The following AEBP2 variants were observed in gnomAD, a reference collection of about 807,000 sequenced individuals.
AEBP2 encodes the protein AE binding protein 2, also known as zinc finger protein AEBP2.
AEBP2 carries 10 observed loss-of-function variants against 50.8 expected under a neutral mutation model. That is an observed-to-expected ratio of 0.20 (90% CI 0.12 to 0.33). The LOEUF (loss-of-function observed/expected upper bound fraction) is 0.33, where lower values mean the gene tolerates loss of function less well. AEBP2 is among the 10% of genes least tolerant of loss of function. The pLI, the probability that AEBP2 is intolerant of heterozygous loss-of-function variation, is 1.00. For synonymous variants in AEBP2, 296 were observed against 261.3 expected, an observed-to-expected ratio of 1.13 and a Z score of -1.28; for missense variants, 570 against 688.0, an observed-to-expected ratio of 0.83 and a Z score of 1.92.
At chr12:19,415,716 C>CAATACAATA in intron 1 of AEBP2, among the ~76,000 whole-genome samples, 3 of 151,212 alleles carry the variant, frequency 2.0e-5, no homozygotes, top group East Asian at 1.9e-4. Context: ...CAATACAATA[C>CAATACAATA]CTCCAGAGGC....
chr12:19,490,871 A>G (rs898208134), intron 3 of AEBP2, among the ~76,000 whole-genome samples: 1 of 152,246 alleles, frequency 6.6e-6, no homozygotes, highest in Admixed American at 6.5e-5. Context: ...AAATGGAAAT[A>G]GTGTTGGCGA....
chr12:19,449,298 A>G (rs933708433), intron 1 of AEBP2, among the ~76,000 whole-genome samples: 1 of 152,106 alleles, frequency 6.6e-6, no homozygotes, highest in African/African-American at 2.4e-5. Flanking sequence ...GTGTATATAC[A>G]TTTCTCTGGA....
intron 1 of AEBP2, among the ~76,000 whole-genome samples, chr12:19,451,676 C>A (rs1948167486): frequency 7.9e-6 from 1 of 126,346 alleles, no homozygotes; most frequent in African/African-American, 3.2e-5. Context: ...TCAAAAGTGA[C>A]CATCTTTTAA....
chr12:19,457,374 G>A (rs1161711332), intron 1 of AEBP2: 36 of 1,435,708 alleles, frequency 2.5e-5, no homozygotes, highest in Middle Eastern at 4.1e-4. Context: ...GTGTCCTAGG[G>A]CATCAATGAT....
intron 1 of AEBP2, among the ~76,000 whole-genome samples, chr12:19,415,852 A>G (rs2095742314): frequency 6.6e-6 from 1 of 152,092 alleles, no homozygotes; most frequent in African/African-American, 2.4e-5. Flanking sequence ...AGGATTCTGG[A>G]TGCCTGACCC....
intron 1 of AEBP2, among the ~76,000 whole-genome samples, chr12:19,408,786 C>T (rs910591039): frequency 1.3e-5 from 2 of 151,252 alleles, no homozygotes; most frequent in African/African-American, 4.9e-5. Flanking sequence ...ACCTGTAATT[C>T]CAGCTGCTCA....
At chr12:19,476,706 T>C (rs1287668915) in intron 3 of AEBP2, among the ~76,000 whole-genome samples, 1 of 152,196 alleles carries the variant, frequency 6.6e-6, no homozygotes, top group Non-Finnish European at 1.5e-5. Flanking sequence ...CATGCTGTTT[T>C]GGTAAGCATA....
chr12:19,443,016 C>T (rs1282540253), intron 1 of AEBP2, among the ~76,000 whole-genome samples: 1 of 152,096 alleles, frequency 6.6e-6, no homozygotes, highest in Non-Finnish European at 1.5e-5. Context: ...GCCCATTTAC[C>T]TTTCCCATCG....
intron 1 of AEBP2, among the ~76,000 whole-genome samples, chr12:19,428,427 T>A (rs1275173704): frequency 2.0e-5 from 3 of 152,238 alleles, no homozygotes; most frequent in African/African-American, 7.2e-5. Flanking sequence ...CACCATCATG[T>A]CTGTGTCCCA....
In AEBP2 at chr12:19,518,218, CTTTTTTTTTTT is replaced by C; in HGVS notation, c.*111_*121del. The C allele has an allele frequency of 1.8e-6, 2 of 1,131,728 alleles. No homozygotes were observed. Among genetic ancestry groups the C allele is most frequent in the Non-Finnish European group, 1.1e-6 (1 of 913,072 alleles). 70.1% of individuals were successfully genotyped at this position (1,131,728 alleles called of 1,614,324 possible). On this transcript the variant is annotated 3_prime_UTR_variant, in exon 8 of 8. Transcript: ENST00000266508. ...AGTTGCACATTAGAGTCAACCCCTT[CTTTTTTTTTTT>C]TTTTTTTTTAAATCCAGTATTTAGG...
At chr12:19,512,489 T>A in intron 6 of AEBP2, 24 bp downstream of exon 6, 1 of 1,411,018 alleles carries the variant, frequency 7.1e-7, no homozygotes, top group Non-Finnish European at 9.7e-7. Context: ...ATATTATGCC[T>A]TAGTAATAAG....
At chr12:19,450,053 CCTAA>C (rs1459316778) in intron 1 of AEBP2, among the ~76,000 whole-genome samples, 12 of 151,866 alleles carry the variant, frequency 7.9e-5, no homozygotes, top group South Asian at 2.1e-4. Flanking sequence ...ACTTTTTTTT[CCTAA>C]CTGAGTTTAT....
intron 3 of AEBP2, among the ~76,000 whole-genome samples, chr12:19,493,114 A>G (rs1011151045): frequency 2.0e-5 from 3 of 152,206 alleles, no homozygotes; most frequent in Non-Finnish European, 4.4e-5. Flanking sequence ...AAATACTTTA[A>G]AAATCCAGAA....
At chr12:19,510,253 G>T (rs1487096775) in intron 5 of AEBP2, among the ~76,000 whole-genome samples, 1 of 152,158 alleles carries the variant, frequency 6.6e-6, no homozygotes, top group Non-Finnish European at 1.5e-5. Context: ...GGGAAGGTAG[G>T]CACATAAAGC....
intron 3 of AEBP2, among the ~76,000 whole-genome samples, chr12:19,476,972 G>A (rs1948656940): frequency 6.6e-6 from 1 of 152,150 alleles, no homozygotes; most frequent in Admixed American, 6.5e-5. Flanking sequence ...ATTTGTTGGT[G>A]TTGTCGATGA....
intron 1 of AEBP2, among the ~76,000 whole-genome samples, chr12:19,459,033 T>C (rs1565713049): frequency 6.6e-6 from 1 of 152,238 alleles, no homozygotes; most frequent in Non-Finnish European, 1.5e-5. Context: ...TGAGTTTTTA[T>C]TGCTTTTCCT....
chr12:19,437,472 C>T (rs1947872373), upstream of AEBP2, among the ~76,000 whole-genome samples: 1 of 152,082 alleles, frequency 6.6e-6, no homozygotes, highest in South Asian at 2.1e-4. Context: ...CTCCAGGGCT[C>T]AAGTGAACCT....
chr12:19,502,650 T>C (rs1425278803), intron 5 of AEBP2, among the ~76,000 whole-genome samples: 1 of 150,024 alleles, frequency 6.7e-6, no homozygotes, highest in African/African-American at 2.4e-5. Flanking sequence ...TGTTTGTCTA[T>C]TCTTTTTTTT....
At chr12:19,429,296 A>G (rs1226889946) in intron 1 of AEBP2, among the ~76,000 whole-genome samples, 4 of 152,160 alleles carry the variant, frequency 2.6e-5, no homozygotes, top group Admixed American at 6.6e-5. Flanking sequence ...GTCCCTACAA[A>G]GGACATGAAC....
Sources: gnomAD v4.1 joint callset for allele counts (sites outside exome capture counted in the v4.1 genomes callset) on GRCh38, gnomAD v4.1.1 for gene constraint, MANE v1.5 for transcripts, NCBI Gene and HGNC (gene_info 2026-07-23, HGNC 2026-07-21) for gene names.